PTPRT: variants seen among roughly 807,000 people sequenced by gnomAD.
PTPRT encodes the protein receptor-type tyrosine-protein phosphatase T.
PTPRT carries 56 observed loss-of-function variants against 176.8 expected under a neutral mutation model. The observed-to-expected ratio is 0.32, with a 90% CI of 0.26 to 0.40. The LOEUF (loss-of-function observed/expected upper bound fraction) is 0.40, where lower values mean the gene tolerates loss of function less well. PTPRT is among the 10% of genes least tolerant of loss of function. The pLI is 1.00. For missense variants in PTPRT, 1,540 were observed against 1,908.2 expected (o/e 0.81, Z 3.60); for synonymous variants, 783 against 739.0 (o/e 1.06, Z -0.96).
intron 3 of PTPRT, among the ~76,000 whole-genome samples, chr20:42,785,027 AAAGTT>A (rs1465716019): frequency 6.6e-6 from 1 of 152,204 alleles, no homozygotes; most frequent in African/African-American, 2.4e-5. Context: ...CTATACAAAA[AAAGTT>A]AAGTTGGTGA....
intron 7 of PTPRT, among the ~76,000 whole-genome samples, chr20:42,558,632 C>A (rs2072900879): frequency 6.6e-6 from 1 of 152,018 alleles, no homozygotes; most frequent in Non-Finnish European, 1.5e-5. Flanking sequence ...AGAAAATGGA[C>A]TCACACGGCA....
intron 1 of PTPRT, among the ~76,000 whole-genome samples, chr20:42,888,274 T>A (rs900901653): frequency 6.6e-6 from 1 of 150,448 alleles, no homozygotes. Flanking sequence ...GATCTTAGGG[T>A]TTAACTGTTA....
At chr20:42,380,561 G>A (rs2058689339) in intron 9 of PTPRT, among the ~76,000 whole-genome samples, 1 of 152,196 alleles carries the variant, frequency 6.6e-6, no homozygotes, top group African/African-American at 2.4e-5. Flanking sequence ...ATCGGAATGG[G>A]GAAGATGGTC....
At chr20:42,427,773 C>A (rs1380683884) in intron 9 of PTPRT, among the ~76,000 whole-genome samples, 1 of 152,214 alleles carries the variant, frequency 6.6e-6, no homozygotes, top group African/African-American at 2.4e-5. Flanking sequence ...ACAGCCTTAA[C>A]TGATGACATT....
intron 9 of PTPRT, among the ~76,000 whole-genome samples, chr20:42,365,750 C>T (rs999502262): frequency 2.6e-5 from 4 of 152,096 alleles, no homozygotes; most frequent in African/African-American, 7.2e-5. Flanking sequence ...CATTTTGGGT[C>T]GCATGTAGCC....
At position 42,434,807 on chromosome 20, in the gene PTPRT, A is replaced by T. The variant is rs533934895; in HGVS notation, c.1560+13413T>A. On this transcript the variant is annotated intron_variant, in intron 9 of 30. Transcript: ENST00000373187. ...TGAAACCCCGTCTCTATTAAAAATT[A>T]AAAAAAAAATAGCCAAGCATGGTGG... 2.2e-3 allele frequency among the ~76,000 whole-genome samples: 65 copies of T among 29,664 alleles called. No individual in the cohort carries two copies. The Admixed American group carries it at 0.031, about 14-fold the overall frequency. The allele number at this position is 29,664 out of a possible 152,430, so 19.5% of individuals were successfully genotyped here. A position where few individuals can be genotyped will look rare whatever the true frequency, so the allele number is the denominator to read the frequency against.
At chr20:42,998,446 T>G (rs951724243) in intron 1 of PTPRT, among the ~76,000 whole-genome samples, 1 of 152,132 alleles carries the variant, frequency 6.6e-6, no homozygotes, top group African/African-American at 2.4e-5. Flanking sequence ...TCTAACTTGA[T>G]GAATGAATTA....
intron 6 of PTPRT, among the ~76,000 whole-genome samples, chr20:42,711,473 G>A (rs1409207873): frequency 6.6e-6 from 1 of 152,020 alleles, no homozygotes; most frequent in African/African-American, 2.4e-5. Context: ...CCTCTCTCTT[G>A]CTCCATCTCT....
intron 17 of PTPRT, among the ~76,000 whole-genome samples, chr20:42,150,681 G>A (rs767732456): frequency 6.6e-6 from 1 of 152,196 alleles, no homozygotes; most frequent in Non-Finnish European, 1.5e-5. Context: ...TATTTTTACT[G>A]CAAATAAGTT....
At chr20:42,052,128 G>T in the PTPRT span, among the ~76,000 whole-genome samples, 2 of 152,204 alleles carry the variant, frequency 1.3e-5, no homozygotes, top group African/African-American at 4.8e-5. Context: ...AAGGACAAGT[G>T]GAAGCCAGAC....
the PTPRT span, among the ~76,000 whole-genome samples, chr20:42,054,710 C>T: frequency 6.6e-6 from 1 of 152,194 alleles, no homozygotes; most frequent in Non-Finnish European, 1.5e-5. Flanking sequence ...CATTCCTTCT[C>T]TCTCTTTGGG....
At chr20:43,058,365 G>A (rs1394117866) in intron 1 of PTPRT, among the ~76,000 whole-genome samples, 2 of 151,748 alleles carry the variant, frequency 1.3e-5, no homozygotes, top group Non-Finnish European at 2.9e-5. Context: ...AATGAAGAGA[G>A]AGAGGGAAGG....
At chr20:42,990,561 T>TA (rs1299222694) in intron 1 of PTPRT, among the ~76,000 whole-genome samples, 1 of 152,214 alleles carries the variant, frequency 6.6e-6, no homozygotes, top group Non-Finnish European at 1.5e-5. Flanking sequence ...GACCTAGGTT[T>TA]ACCTCTGTAT....
chr20:42,583,041 C>G (rs1375606801), intron 7 of PTPRT, among the ~76,000 whole-genome samples: 1 of 152,122 alleles, frequency 6.6e-6, no homozygotes, highest in African/African-American at 2.4e-5. Flanking sequence ...AGCACAGGGG[C>G]TGGCACATGA....
intron 2 of PTPRT, among the ~76,000 whole-genome samples, chr20:42,838,048 C>T (rs111382503): frequency 1.1e-3 from 166 of 152,274 alleles, no homozygotes; most frequent in South Asian, 6.2e-3. Context: ...TTTGTTGAGA[C>T]GGAGTTTCGC....
rs2015096455 is a variant in PTPRT, at chr20:43,175,183, AAG to A, written c.88+14461_88+14462del. Among the ~76,000 whole-genome samples, 3 of 152,216 alleles carry A rather than the reference AAG, an allele frequency of 2.0e-5. No homozygotes were observed. The South Asian group carries it at 6.2e-4, about 32-fold the overall frequency. On this transcript the variant is annotated intron_variant, in intron 1 of 30. Coordinates refer to ENST00000373187, the MANE Select transcript of PTPRT (RefSeq NM_007050.6). ...CTCCATGGAGATGCCAGGAAAGAGA[AAG>A]AGACGGAGGTGTGACAAGGGAATAG...
At chr20:42,314,375 A>C (rs2057683034) in intron 12 of PTPRT, among the ~76,000 whole-genome samples, 1 of 151,878 alleles carries the variant, frequency 6.6e-6, no homozygotes, top group Admixed American at 6.6e-5. Flanking sequence ...AAAAATACAA[A>C]AAAATTAGCT....
intron 2 of PTPRT, among the ~76,000 whole-genome samples, chr20:42,846,091 G>A (rs1167115353): frequency 3.3e-5 from 5 of 152,158 alleles, no homozygotes; most frequent in South Asian, 4.1e-4. Flanking sequence ...ACCAGCCTCC[G>A]TGTGTCACCC....
intron 1 of PTPRT, among the ~76,000 whole-genome samples, chr20:43,176,450 T>C (rs894813924): frequency 6.6e-6 from 1 of 152,272 alleles, no homozygotes; most frequent in South Asian, 2.1e-4. Flanking sequence ...GAAGTGCAAT[T>C]AACACCTAGG....
Sources: allele counts gnomAD v4.1 joint callset (sites outside exome capture counted in the v4.1 genomes callset), GRCh38; gene constraint gnomAD v4.1.1; transcripts MANE v1.5; gene names NCBI Gene and HGNC (gene_info 2026-07-23, HGNC 2026-07-21).